Variants in PAX2 observed in about 807,000 individuals in gnomAD.
The protein encoded by PAX2 is paired box protein Pax-2.
A neutral mutation model predicts 41.7 loss-of-function variants in PAX2; 9 were observed. The observed-to-expected ratio is 0.22, with a 90% CI of 0.13 to 0.38. PAX2 has a LOEUF of 0.38. Among genes scored for constraint, PAX2 ranks in the 10% least tolerant of loss-of-function variants. The pLI is 1.00. For synonymous variants in PAX2, 221 were observed against 212.7 expected, an observed-to-expected ratio of 1.04 and a Z score of -0.34; for missense variants, 418 against 531.6, an observed-to-expected ratio of 0.79 and a Z score of 2.10.
Position 100,748,876 on chromosome 10 carries a change from C to G in PAX2, c.44-870C>G, listed in dbSNP as rs1845319089. ...GCCCCGAGAGTTATTAACTCGCCAG[C>G]GAGGCCTATGCCGTGCCACCTGGGC... On this transcript the variant is annotated intron_variant, in intron 1 of 9. Coordinates refer to ENST00000355243, the MANE Select transcript of PAX2 (RefSeq NM_000278.5). This position sits in a 1 kb window ranked among gnomAD's most constrained non-coding sequence, Gnocchi z 5.0. The G allele has an allele frequency of 2.0e-6, 2 of 985,436 alleles. No individual in the cohort carries two copies. The highest frequency in any genetic ancestry group is 4.7e-5 in the South Asian group (1 of 21,286). 61.0% of individuals were successfully genotyped at this position (985,436 alleles called of 1,614,324 possible).
intron 3 of PAX2, among the ~76,000 whole-genome samples, chr10:100,778,922 G>A (rs1846498638): frequency 6.6e-6 from 1 of 152,200 alleles, no homozygotes; most frequent in Non-Finnish European, 1.5e-5. Flanking sequence ...CAAAGGGACT[G>A]TGTGCTGTGT....
Position 100,749,494 on chromosome 10 carries a change from C to T in PAX2, c.44-252C>T, listed in dbSNP as rs946178732. 1.6e-4 allele frequency: 210 copies of T among 1,327,448 alleles called. 1 individual carries two copies. The highest frequency in any genetic ancestry group is 1.9e-4 in the Non-Finnish European group (198 of 1,044,558). The allele number at this position is 1,327,448 out of a possible 1,614,324, so 82.2% of individuals were successfully genotyped here. On this transcript the variant is annotated intron_variant, in intron 1 of 9. Coordinates refer to ENST00000355243, the MANE Select transcript of PAX2 (RefSeq NM_000278.5). ...TCATCTGGTTTCTCTCCAGTCCCCCCTTTGCTTTCTACCTTGCGTCGCAAG... is the reference window on the plus strand; with the variant it reads ...TCATCTGGTTTCTCTCCAGTCCCCCTTTTGCTTTCTACCTTGCGTCGCAAG...
At chr10:100,812,925 G>C (rs149093421) in intron 7 of PAX2, among the ~76,000 whole-genome samples, 1 of 152,226 alleles carries the variant, frequency 6.6e-6, no homozygotes, top group South Asian at 2.1e-4. Context: ...TCTAGAAAAG[G>C]GTTGGCCAAT....
At chr10:100,741,629 CG>C (rs1844961868), upstream of PAX2, among the ~76,000 whole-genome samples, 1 of 152,078 alleles carries the variant, frequency 6.6e-6, no homozygotes, top group African/African-American at 2.4e-5. Flanking sequence ...GAGTGAGCCT[CG>C]GTTGGTCGGC....
chr10:100,800,230 A>T (rs1172306805), intron 5 of PAX2, among the ~76,000 whole-genome samples: 1 of 149,556 alleles, frequency 6.7e-6, no homozygotes, highest in Non-Finnish European at 1.5e-5. Context: ...AGCAAATGAC[A>T]TCATTTCATT....
At chr10:100,825,748 AG>A (rs1350836732) in intron 8 of PAX2, among the ~76,000 whole-genome samples, 1 of 152,180 alleles carries the variant, frequency 6.6e-6, no homozygotes, top group Non-Finnish European at 1.5e-5. Flanking sequence ...AGCTTGGGGT[AG>A]GGGCAGCGGC....
At chr10:100,782,692 T>C (rs571271274) in intron 5 of PAX2, among the ~76,000 whole-genome samples, 77 of 152,402 alleles carry the variant, frequency 5.1e-4, no homozygotes, top group African/African-American at 1.8e-3. Flanking sequence ...TTTCTCCTTC[T>C]TCCAAAATAT....
chr10:100,744,083 A>C (rs1396424955), upstream of PAX2, among the ~76,000 whole-genome samples: 1 of 152,226 alleles, frequency 6.6e-6, no homozygotes, highest in Non-Finnish European at 1.5e-5. Context: ...GCATCCCAAA[A>C]ACCCGGGTAC....
intron 3 of PAX2, among the ~76,000 whole-genome samples, chr10:100,772,632 T>TA (rs1359420188): frequency 6.6e-6 from 1 of 152,168 alleles, no homozygotes; most frequent in Non-Finnish European, 1.5e-5. Context: ...ACCCTCCCCA[T>TA]ACCAGGGATT....
At chr10:100,816,898 G>A (rs17113490) in intron 7 of PAX2, among the ~76,000 whole-genome samples, 9,740 of 152,226 alleles carry the variant, frequency 0.064, 1,018 homozygotes, top group African/African-American at 0.22. Flanking sequence ...TTAAGTGGCC[G>A]TTTTCCTTGG....
At chr10:100,752,777 C>T (rs1485833557) in intron 3 of PAX2, among the ~76,000 whole-genome samples, 2 of 152,176 alleles carry the variant, frequency 1.3e-5, no homozygotes, top group Non-Finnish European at 2.9e-5. Context: ...CCCCTCCCCT[C>T]AACAACATGC....
chr10:100,812,087 A>G (rs2133961872), intron 7 of PAX2, among the ~76,000 whole-genome samples: 1 of 152,330 alleles, frequency 6.6e-6, no homozygotes, highest in Non-Finnish European at 1.5e-5. Context: ...GGGCCAGGAC[A>G]CAGCTAATCA....
At chr10:100,823,829 C>T (rs900105354) in intron 7 of PAX2, among the ~76,000 whole-genome samples, 1 of 152,140 alleles carries the variant, frequency 6.6e-6, no homozygotes, top group African/African-American at 2.4e-5. Context: ...TCCCAGAGGA[C>T]ATGTCGGTGG....
chr10:100,792,777 G>A (rs1336694240), intron 5 of PAX2, among the ~76,000 whole-genome samples: 2 of 148,880 alleles, frequency 1.3e-5, no homozygotes, highest in East Asian at 2.0e-4. Flanking sequence ...TGGTAATAGC[G>A]TTGATTTGCA....
intron 5 of PAX2, among the ~76,000 whole-genome samples, chr10:100,799,578 C>T (rs567774030): frequency 6.6e-6 from 1 of 152,298 alleles, no homozygotes; most frequent in East Asian, 1.9e-4. Flanking sequence ...AGTTCACATC[C>T]AGGCTCTGCT....
chr10:100,789,302 CA>C (rs1477597613), intron 5 of PAX2, among the ~76,000 whole-genome samples: 2 of 152,184 alleles, frequency 1.3e-5, no homozygotes, highest in Admixed American at 6.5e-5. Context: ...GACAGGGTTT[CA>C]CCATGTTGGC....
rs548428414 is a variant in PAX2, at chr10:100,767,406, C to T, written c.411-12092C>T. ...GAGAGTAAACTGTCCCCTGAGCCTG[C>T]TTCCCGAGACAGGACAATTCAGTTC... On this transcript the variant is annotated intron_variant, in intron 3 of 9. Coordinates refer to ENST00000355243, the MANE Select transcript of PAX2 (RefSeq NM_000278.5). 1.3e-3 allele frequency among the ~76,000 whole-genome samples: 200 copies of T among 152,284 alleles called. 1 individual carries two copies. The highest frequency in any genetic ancestry group is 4.7e-3 in the African/African-American group (195 of 41,556).
Position 100,780,888 on chromosome 10 carries a change from A to G in PAX2, c.497-358A>G, listed in dbSNP as rs148721242. Among the ~76,000 whole-genome samples the G allele has an allele frequency of 4.6e-3, 699 of 152,332 alleles. 6 individuals carry two copies. Among genetic ancestry groups the G allele is most frequent in the African/African-American group, 0.016 (653 of 41,576 alleles). The stretch of plus-strand genomic sequence containing the variant: ...AAGGAGCTGTGCTCTCTAGAGGACC[A>G]TGGAGGTGCTGCCTAGAAGGAGACA... On this transcript the variant is annotated intron_variant, in intron 4 of 9. Transcript: ENST00000355243.
intron 5 of PAX2, among the ~76,000 whole-genome samples, chr10:100,783,109 T>C (rs575034181): frequency 6.6e-6 from 1 of 152,316 alleles, no homozygotes; most frequent in East Asian, 1.9e-4. Context: ...GGCATGAGGT[T>C]GTGGTCACCC....
Sources: allele counts gnomAD v4.1 joint callset (sites outside exome capture counted in the v4.1 genomes callset), GRCh38; gene constraint gnomAD v4.1.1; non-coding constraint Gnocchi (gnomAD v3.1); transcripts MANE v1.5; gene names NCBI Gene and HGNC (gene_info 2026-07-23, HGNC 2026-07-21).